Variants in E2F8 observed in about 807,000 individuals in gnomAD.
E2F8 encodes the protein E2F transcription factor 8, also known as transcription factor E2F8.
Under a neutral mutation model 80.8 loss-of-function variants are expected in E2F8, and 35 were observed. The ratio of observed to expected loss-of-function variants is 0.43; its 90% CI spans 0.33 to 0.57. E2F8 has a LOEUF of 0.57. E2F8 is among the 20% of genes least tolerant of loss of function. E2F8 has a pLI of 0.04. For synonymous variants in E2F8, 386 were observed against 395.0 expected (o/e 0.98, Z 0.27); for missense variants, 975 against 1,056.2 (o/e 0.92, Z 1.07).
rs1353275015 is a variant in E2F8, at chr11:19,237,776, G to A, written c.294+78C>T. ...CGGGTGGTGATGCTTTAAATTGCTG[G>A]CACTTCTCTAATAGCTACAACCTCC... is the stretch of plus-strand genomic sequence containing the variant. On this transcript the variant is annotated intron_variant, in intron 3 of 12. Coordinates refer to ENST00000250024, the MANE Select transcript of E2F8 (RefSeq NM_024680.4). 4 of 1,517,534 alleles carry A rather than the reference G, an allele frequency of 2.6e-6. 1 individual carries two copies. In the African/African-American group the frequency reaches 5.6e-5, roughly 21 times the overall value. The allele number at this position is 1,517,534 out of a possible 1,614,324, so 94.0% of individuals were successfully genotyped here.
At position 19,240,103 on chromosome 11, in the gene E2F8, G is replaced by T. The variant is rs776505844; in HGVS notation, c.15+4C>A. ...CAATGATGAATACTGAAGTTATAAA[G>T]TACCTTTTCGTTCTCCATTCTGTAA... On this transcript the variant is annotated splice_donor_region_variant and intron_variant, in intron 2 of 12. Transcript: ENST00000250024. 1 of 1,528,454 alleles carries T rather than the reference G, an allele frequency of 6.5e-7. No individual in the cohort carries two copies. The highest frequency in any genetic ancestry group is 8.8e-7 in the Non-Finnish European group (1 of 1,134,198). 94.7% of individuals were successfully genotyped at this position (1,528,454 alleles called of 1,614,324 possible). A position where few individuals can be genotyped will look rare whatever the true frequency, so the allele number is the denominator to read the frequency against.
At chr11:19,239,684 A>C (rs560595828) in intron 2 of E2F8, among the ~76,000 whole-genome samples, 2 of 151,258 alleles carry the variant, frequency 1.3e-5, no homozygotes, top group African/African-American at 4.8e-5. Context: ...AAACTAACGA[A>C]TTTTTGAAGA....
intron 7 of E2F8, among the ~76,000 whole-genome samples, chr11:19,231,128 A>T (rs974317472): frequency 6.6e-6 from 1 of 152,232 alleles, no homozygotes; most frequent in Non-Finnish European, 1.5e-5. Context: ...AGAATTGTGC[A>T]TCTTACAATC....
Position 19,228,166 on chromosome 11 carries a change from T to C in E2F8, c.1893+1288A>G, listed in dbSNP as rs78586546. On this transcript the variant is annotated intron_variant, in intron 10 of 12. Coordinates refer to ENST00000250024, the MANE Select transcript of E2F8 (RefSeq NM_024680.4). ...TGGAAAATCTATCCACTGAAAATCC[T>C]AATCCTGAATAACTATGTAAGCAAC... Among the ~76,000 whole-genome samples, 689 of 152,300 alleles carry C rather than the reference T, an allele frequency of 4.5e-3. 7 individuals carry two copies. Among genetic ancestry groups the C allele is most frequent in the African/African-American group, 0.015 (629 of 41,570 alleles).
chr11:19,234,101 T>A (rs1291483213), intron 6 of E2F8, among the ~76,000 whole-genome samples: 2 of 136,948 alleles, frequency 1.5e-5, no homozygotes, highest in African/African-American at 5.6e-5. Flanking sequence ...TGAGCCTAGA[T>A]CTCGCCACTG....
intron 2 of E2F8, among the ~76,000 whole-genome samples, chr11:19,238,916 A>C (rs775262868): frequency 6.6e-6 from 1 of 152,240 alleles, no homozygotes; most frequent in African/African-American, 2.4e-5. Flanking sequence ...CTAAGACCAC[A>C]AAGCTAGATC....
rs529296056 is a variant in E2F8, at chr11:19,234,437, A to G, written c.851T>C (p.Ile284Thr). The G allele has an allele frequency of 1.1e-5, 17 of 1,614,102 alleles. No individual in the cohort carries two copies. In the African/African-American group the frequency reaches 2.3e-4, roughly 22 times the overall value. Residue 284 changes from isoleucine (I) to threonine (T), a missense_variant, in exon 6 of 13, where the codon ATA (isoleucine) becomes ACA (threonine). Transcript: ENST00000250024. ...VMLFLVSTPQ[I>T]VSLEVAAKIL... ...CTTGGCAGCAACTTCTAGGCTTACTATCTGAGGCGTTGACACCAAAAACAG... is the reference window on the plus strand; with the variant it reads ...CTTGGCAGCAACTTCTAGGCTTACTGTCTGAGGCGTTGACACCAAAAACAG...
chr11:19,224,595 T>A lies in E2F8; in HGVS notation c.*63A>T. 1.3e-6 allele frequency: 2 copies of A among 1,540,636 alleles called. No individual in the cohort carries two copies. Among genetic ancestry groups the A allele is most frequent in the South Asian group, 2.4e-5 (2 of 85,018 alleles). ...TCAGAGAATGTGTTCTCCAAATCAG[T>A]CTGTGTACATTTTCTCTATTAAACA... On this transcript the variant is annotated 3_prime_UTR_variant, in exon 13 of 13. Coordinates refer to ENST00000250024, the MANE Select transcript of E2F8 (RefSeq NM_024680.4).
At chr11:19,230,365 C>T (rs977030113) in intron 8 of E2F8, 37 bp from the exon 9 acceptor site, 1 of 1,589,010 alleles carries the variant, frequency 6.3e-7, no homozygotes, top group African/African-American at 1.4e-5. Context: ...CCGGTCAAAG[C>T]TAAAGAACAA....
intron 3 of E2F8, 54 bp downstream of exon 3, chr11:19,237,800 C>A (rs1851559311): frequency 3.2e-6 from 5 of 1,549,734 alleles, no homozygotes; most frequent in African/African-American, 2.7e-5. Flanking sequence ...GCTACAACCT[C>A]CCCCCTCCCC....
chr11:19,226,842 C>A (rs1318806615), intron 10 of E2F8, among the ~76,000 whole-genome samples: 1 of 152,044 alleles, frequency 6.6e-6, no homozygotes, highest in African/African-American at 2.4e-5. Flanking sequence ...GCAAAGTACA[C>A]CAGAGTTAAA....
At position 19,230,357 on chromosome 11, in the gene E2F8, G is replaced by A. The variant is rs768539445; in HGVS notation, c.1271-29C>T. The A allele has an allele frequency of 2.3e-5, 36 of 1,595,510 alleles. 1 individual carries two copies. Among genetic ancestry groups the A allele is most frequent in the African/African-American group, 1.8e-4 (13 of 73,906 alleles). On this transcript the variant is annotated intron_variant, in intron 8 of 12. Transcript: ENST00000250024. ...GTAAAATAGAAAGGAAGAGAGCACC[G>A]GTCAAAGCTAAAGAACAAATGTTCA...
Position 19,237,967 on chromosome 11 carries a change from CTGTCGG to C in E2F8, c.175_180del (p.Pro59_Thr60del). 6.2e-7 allele frequency: 1 copy of C among 1,614,170 alleles called. No homozygotes were observed. Among genetic ancestry groups the C allele is most frequent in the Non-Finnish European group, 8.5e-7 (1 of 1,180,034 alleles). ...GCACTGATGAGCATTTTCAGGTTGGCTGTCGGTGTCCACGGCTCTCCCTGAGAGCCT... is the reference window on the plus strand; with the variant it reads ...GCACTGATGAGCATTTTCAGGTTGGCTGTCCACGGCTCTCCCTGAGAGCCT... On this transcript the variant is annotated inframe_deletion, in exon 3 of 13. Transcript: ENST00000250024.
Position 19,230,422 on chromosome 11 carries a change from G to C in E2F8, c.1271-94C>G, listed in dbSNP as rs1172386726. ...CACTGAAGTCAGAGGAACAGAAAGTGTGCACCTCCCCTCAAAGTTGCATAG... is the reference window on the plus strand; with the variant it reads ...CACTGAAGTCAGAGGAACAGAAAGTCTGCACCTCCCCTCAAAGTTGCATAG... On this transcript the variant is annotated intron_variant, in intron 8 of 12. Transcript: ENST00000250024. The C allele has an allele frequency of 3.0e-6, 4 of 1,315,856 alleles. No individual in the cohort carries two copies. The East Asian group carries it at 9.3e-5, about 31-fold the overall frequency. 81.5% of individuals were successfully genotyped at this position (1,315,856 alleles called of 1,614,324 possible). A position where few individuals can be genotyped will look rare whatever the true frequency, so the allele number is the denominator to read the frequency against.
chr11:19,234,325 T>C (rs1191745903), intron 6 of E2F8, 35 bp downstream of exon 6: 3 of 1,608,264 alleles, frequency 1.9e-6, no homozygotes, highest in Admixed American at 1.7e-5. Flanking sequence ...TGTTTAAGAA[T>C]AGGTTCAAAA....
intron 4 of E2F8, among the ~76,000 whole-genome samples, chr11:19,236,630 A>G (rs894570191): frequency 6.6e-5 from 10 of 152,360 alleles, no homozygotes; most frequent in Admixed American, 3.3e-4. Context: ...TAAAGTTGAT[A>G]TTTACAAACA....
In E2F8 at chr11:19,230,837, G is replaced by A. The variant is rs771587599; in HGVS notation, c.1067-3C>T. On this transcript the variant is annotated splice_polypyrimidine_tract_variant and splice_region_variant and intron_variant, in intron 7 of 12. Coordinates refer to ENST00000250024, the MANE Select transcript of E2F8 (RefSeq NM_024680.4). ...AAAATGAATGACTGGGCTGGAGCCT[G>A]AAACAGAAAACGTCTGTGTATTAAA... 1.2e-6 allele frequency: 2 copies of A among 1,613,864 alleles called. No individual in the cohort carries two copies. Among genetic ancestry groups the A allele is most frequent in the South Asian group, 1.1e-5 (1 of 91,042 alleles).
Position 19,224,604 on chromosome 11 carries a change from A to T in E2F8, c.*54T>A, listed in dbSNP as rs965417987. On this transcript the variant is annotated 3_prime_UTR_variant, in exon 13 of 13. Transcript: ENST00000250024. ...GTGTTCTCCAAATCAGTCTGTGTAC[A>T]TTTTCTCTATTAAACAACTCTTTAG... 1 of 1,579,880 alleles carries T rather than the reference A, an allele frequency of 6.3e-7. No homozygotes were observed. Among genetic ancestry groups the T allele is most frequent in the Non-Finnish European group, 8.7e-7 (1 of 1,154,142 alleles).
chr11:19,225,497 G>A lies in E2F8; in HGVS notation c.2145C>T (p.Ser715=). Residue 715 remains serine (S), a synonymous_variant, in exon 12 of 13, where the codon AGC becomes AGT. Transcript: ENST00000250024. ...CAGGGTGGCTTGAAGCGAGAGCCGG[G>A]CTGTTCCCGACAGGTACGGCTGCCA... is the stretch of plus-strand genomic sequence containing the variant. ...TSVAAVPVGN[S]PALASSHPVP... 1.9e-6 allele frequency: 3 copies of A among 1,614,228 alleles called. No homozygotes were observed. The highest frequency in any genetic ancestry group is 2.5e-6 in the Non-Finnish European group (3 of 1,180,042).
Sources: gnomAD v4.1 joint callset for allele counts (sites outside exome capture counted in the v4.1 genomes callset) on GRCh38, gnomAD v4.1.1 for gene constraint, MANE v1.5 for transcripts, NCBI Gene and HGNC (gene_info 2026-07-23, HGNC 2026-07-21) for gene names.